Variants in PARP4 observed in about 807,000 individuals in gnomAD.
PARP4 encodes poly(ADP-ribose) polymerase family member 4.
In PARP4, 120 loss-of-function variants were observed where a neutral mutation model predicts 187.7. That is an observed-to-expected ratio of 0.64 (90% CI 0.55 to 0.74). The LOEUF is 0.74. Among genes scored for constraint, PARP4 ranks in the 30% least tolerant of loss-of-function variants. The probability of loss-of-function intolerance (pLI) is 0.00; values close to 1 mark genes in which losing one functional copy is unlikely to be tolerated. For synonymous variants in PARP4, 654 were observed against 740.9 expected, an observed-to-expected ratio of 0.88 and a Z score of 1.90; for missense variants, 1,836 against 2,070.5, an observed-to-expected ratio of 0.89 and a Z score of 2.20.
chr13:24,488,008 T>C (rs1490852509), intron 10 of PARP4, among the ~76,000 whole-genome samples: 1 of 152,238 alleles, frequency 6.6e-6, no homozygotes, highest in Non-Finnish European at 1.5e-5. Context: ...AAAAGTAATA[T>C]AAAGAAATCA....
intron 10 of PARP4, among the ~76,000 whole-genome samples, chr13:24,489,248 C>T (rs1868490261): frequency 6.6e-6 from 1 of 152,160 alleles, no homozygotes; most frequent in South Asian, 2.1e-4. Context: ...ATTTTTCCCT[C>T]CCATCAGCAA....
chr13:24,460,376 G>A (rs569622023), intron 17 of PARP4, among the ~76,000 whole-genome samples: 5 of 152,010 alleles, frequency 3.3e-5, no homozygotes, highest in African/African-American at 1.2e-4. Flanking sequence ...CCTTGGCAGC[G>A]GAACTGGGAA....
intron 9 of PARP4, among the ~76,000 whole-genome samples, chr13:24,491,061 C>A (rs1868615629): frequency 6.6e-6 from 1 of 152,040 alleles, no homozygotes; most frequent in African/African-American, 2.4e-5. Context: ...CCTACCTTAG[C>A]CTCCAGAATT....
chr13:24,430,407 C>T (rs932753585), intron 32 of PARP4, among the ~76,000 whole-genome samples: 4 of 152,254 alleles, frequency 2.6e-5, no homozygotes, highest in South Asian at 4.1e-4. Flanking sequence ...AATCCCAACA[C>T]TTTGGGAGGC....
intron 1 of PARP4, among the ~76,000 whole-genome samples, chr13:24,512,270 C>T (rs1870054987): frequency 6.6e-6 from 1 of 152,230 alleles, no homozygotes; most frequent in African/African-American, 2.4e-5. Context: ...TTCCCAATGA[C>T]TCACGAGGTC....
At position 24,493,705 on chromosome 13, in the gene PARP4, C is replaced by G; in HGVS notation, c.770G>C (p.Ser257Thr). 6.2e-7 allele frequency: 1 copy of G among 1,613,712 alleles called. No homozygotes were observed. Among genetic ancestry groups the G allele is most frequent in the Middle Eastern group, 1.7e-4 (1 of 6,060 alleles). ...ATCGCTCACCTCTTGGCTCAGAGTG[C>G]TTGAATTCATGACTTCCTCCAAAAG... is the stretch of plus-strand genomic sequence containing the variant. The part of the protein sequence containing the change: ...ALLLEEVMNS[S>T]TLSQEVSDLV... Residue 257 changes from serine to threonine, a missense_variant, in exon 8 of 34, where the codon AGC (serine) becomes ACC (threonine). Physicochemically the swap from Ser to Thr is moderately conservative, Grantham distance 58. Around this residue, in one of 8 missense-constraint regions of PARP4, gnomAD observed 1,147 missense variants for 1,214.2 expected, o/e 0.94. Transcript: ENST00000381989.
Position 24,455,207 on chromosome 13 carries a change from G to A in PARP4, c.2568C>T (p.Cys856=), listed in dbSNP as rs771355192. 5.8e-5 allele frequency: 92 copies of A among 1,586,992 alleles called. No individual in the cohort carries two copies. Among genetic ancestry groups the A allele is most frequent in the Non-Finnish European group, 7.7e-5 (89 of 1,159,000 alleles). The stretch of plus-strand genomic sequence containing the variant: ...CGAGATCGGGTTGAAAGACAAGCAT[G>A]CAAGCCTGAAAGGAGAAAGAAGGTG... The part of the protein sequence containing the change: ...EKHPEKESEA[C]MLVFQPDLDV... Residue 856 remains cysteine, a synonymous_variant, in exon 22 of 34, where the codon TGC becomes TGT. Transcript: ENST00000381989.
rs756355485 is a variant in PARP4, at chr13:24,449,842, T to C, written c.3015-25A>G. 4 of 1,381,902 alleles carry C rather than the reference T, an allele frequency of 2.9e-6. No homozygotes were observed. In the Admixed American group the frequency reaches 7.0e-5, roughly 24 times the overall value. The allele number at this position is 1,381,902 out of a possible 1,614,324, so 85.6% of individuals were successfully genotyped here. A position where few individuals can be genotyped will look rare whatever the true frequency, so the allele number is the denominator to read the frequency against. ...ACTGATCACATTTCACATGTTTTAA[T>C]TTTGAAGACATTAGAAATATTTTTG... On this transcript the variant is annotated intron_variant, in intron 24 of 33. Transcript: ENST00000381989.
At chr13:24,442,489 C>T (rs1870988970) in intron 29 of PARP4, 101 bp downstream of exon 29, 1 of 885,176 alleles carries the variant, frequency 1.1e-6, no homozygotes, top group Admixed American at 2.0e-5. Context: ...TTCCCAGGCC[C>T]AGGGTGTGGA....
At chr13:24,422,552 T>C (rs888397319) in intron 33 of PARP4, among the ~76,000 whole-genome samples, 4 of 152,098 alleles carry the variant, frequency 2.6e-5, no homozygotes, top group African/African-American at 4.8e-5. Context: ...GTTATGTACA[T>C]CCTGAAATAG....
In PARP4 at chr13:24,435,050, A is replaced by G; in HGVS notation, c.4091T>C (p.Phe1364Ser). 6.2e-7 allele frequency: 1 copy of G among 1,614,072 alleles called. No individual in the cohort carries two copies. The highest frequency in any genetic ancestry group is 8.5e-7 in the Non-Finnish European group (1 of 1,180,048). The change falls in exon 31 of 34, where the codon TTC (phenylalanine) becomes TCC (serine). Residue 1364 changes from phenylalanine to serine, a missense_variant. By Grantham distance (155) the Phe-to-Ser change is radical. Transcript: ENST00000381989. Reference sequence around the variant, plus strand: ...AGTGCCAGGCACAGGGCCTTGGCTGAATTGAGATGCATCAAACTGTCTGGG... The same window carrying G: ...AGTGCCAGGCACAGGGCCTTGGCTGGATTGAGATGCATCAAACTGTCTGGG... ...APPRQFDASQ[F>S]SQGPVPGTCA...
intron 14 of PARP4, among the ~76,000 whole-genome samples, chr13:24,475,978 G>C (rs1872964302): frequency 6.6e-6 from 1 of 152,070 alleles, no homozygotes; most frequent in African/African-American, 2.4e-5. Flanking sequence ...GTAGAGATGA[G>C]GTTTAGCCAT....
rs1442065894 is a variant in PARP4 at position 24,434,649 on chromosome 13, G to A, written c.4492C>T (p.Leu1498Phe). ...CCTACTGATTCTTCTAGAAGACAGA[G>A]ATCTACTGGGGTAGTCCGGGACTGA... Reference protein sequence around the residue: ...CSQSRTTPVDLCLLEESVGSL... With the variant: ...CSQSRTTPVDFCLLEESVGSL... The change falls in exon 31 of 34, where the codon CTC becomes TTC. Residue 1498 changes from leucine to phenylalanine, a missense_variant. Coordinates refer to ENST00000381989, the MANE Select transcript of PARP4 (RefSeq NM_006437.4). 2 of 1,613,630 alleles carry A rather than the reference G, an allele frequency of 1.2e-6. No homozygotes were observed. Among genetic ancestry groups the A allele is most frequent in the Non-Finnish European group, 1.7e-6 (2 of 1,179,750 alleles).
intron 27 of PARP4, 53 bp from the exon 28 acceptor site, chr13:24,443,783 A>T (rs746596881): frequency 5.8e-6 from 7 of 1,206,074 alleles, no homozygotes; most frequent in Non-Finnish European, 8.6e-6. Flanking sequence ...CTAATATAAG[A>T]CTTGCAAAGA....
rs540513517 is a variant in PARP4 at position 24,507,121 on chromosome 13, A to C, written c.-1-3344T>G. 5.3e-5 allele frequency among the ~76,000 whole-genome samples: 8 copies of C among 152,274 alleles called. No homozygotes were observed. The South Asian group carries it at 8.3e-4, about 16-fold the overall frequency. On this transcript the variant is annotated intron_variant, in intron 1 of 33. Coordinates refer to ENST00000381989, the MANE Select transcript of PARP4 (RefSeq NM_006437.4). Reference sequence around the variant, plus strand: ...TCAGAGTGCGGGGACCGCCCAGCCCACGCCCAACCGGAACTTGCGCTGGCC... The same window carrying C: ...TCAGAGTGCGGGGACCGCCCAGCCCCCGCCCAACCGGAACTTGCGCTGGCC...
At position 24,501,747 on chromosome 13, in the gene PARP4, G is replaced by A; in HGVS notation, c.220C>T (p.Pro74Ser). 1 of 1,610,894 alleles carries A rather than the reference G, an allele frequency of 6.2e-7. No individual in the cohort carries two copies. Residue 74 changes from proline to serine, a missense_variant, in exon 3 of 34, where the codon CCA becomes TCA. Physicochemically the swap from Pro to Ser is moderately conservative, Grantham distance 74. Transcript: ENST00000381989. ...CTGATAGATTTCCATATAAAATCTG[G>A]GTTTGCAATATGAACGTGGTTCTTT... The part of the protein sequence containing the change: ...IQKNHVHIAN[P>S]DFIWKSIREK...
intron 20 of PARP4, among the ~76,000 whole-genome samples, chr13:24,458,320 A>G (rs1424086117): frequency 6.6e-6 from 1 of 152,092 alleles, no homozygotes; most frequent in Non-Finnish European, 1.5e-5. Context: ...CATGTTAGCC[A>G]GGATGGTCTC....
intron 30 of PARP4, among the ~76,000 whole-genome samples, chr13:24,435,867 G>A (rs1447929083): frequency 6.9e-6 from 1 of 145,858 alleles, no homozygotes; most frequent in African/African-American, 2.5e-5. Flanking sequence ...TATGAGAACA[G>A]ATTTGCACTA....
chr13:24,430,709 C>T (rs1479961715), intron 32 of PARP4, among the ~76,000 whole-genome samples: 4 of 152,044 alleles, frequency 2.6e-5, no homozygotes, highest in Non-Finnish European at 5.9e-5. Context: ...GACCTTCAAA[C>T]CACTTGCTGG....
Sources: gnomAD v4.1 joint callset for allele counts (sites outside exome capture counted in the v4.1 genomes callset) on GRCh38, gnomAD v4.1.1 for gene constraint, gnomAD v4.1.1 regional missense constraint, MANE v1.5 for transcripts, NCBI Gene and HGNC (gene_info 2026-07-23, HGNC 2026-07-21) for gene names.